C19orf84: variants seen among roughly 807,000 people sequenced by gnomAD.
C19orf84 encodes chromosome 19 open reading frame 84.
Under a neutral mutation model 4.0 loss-of-function variants are expected in C19orf84, and 1 was observed. The ratio of observed to expected loss-of-function variants is 0.25; its 90% CI spans 0.09 to 1.19. The LOEUF (loss-of-function observed/expected upper bound fraction) is 1.19, where lower values mean the gene tolerates loss of function less well. Ranked by LOEUF, C19orf84 falls within the 50% of genes most tolerant of loss-of-function variation. C19orf84 has a pLI of 0.50. For missense variants in C19orf84, 224 were observed against 246.8 expected, an observed-to-expected ratio of 0.91 and a Z score of 0.62; for synonymous variants, 123 against 109.6, an observed-to-expected ratio of 1.12 and a Z score of -0.76.
At position 51,388,602 on chromosome 19, in the gene C19orf84, T is replaced by G; in HGVS notation, c.*382A>C. Reference sequence around the variant, plus strand: ...ATGAATGGGTTTGGGAACAGGGTATTGAGAGTGGGGAAGAGAGAGGCAGGT... The same window carrying G: ...ATGAATGGGTTTGGGAACAGGGTATGGAGAGTGGGGAAGAGAGAGGCAGGT... On this transcript the variant is annotated 3_prime_UTR_variant, in exon 2 of 2. Coordinates refer to ENST00000574814, the MANE Select transcript of C19orf84 (RefSeq NM_001193623.2). 3.9e-6 allele frequency: 1 copy of G among 254,174 alleles called. No homozygotes were observed. The highest frequency in any genetic ancestry group is 1.1e-4 in the East Asian group (1 of 8,858). The allele number at this position is 254,174 out of a possible 1,614,324, so 15.7% of individuals were successfully genotyped here.
At position 51,388,772 on chromosome 19, in the gene C19orf84, A is replaced by T; in HGVS notation, c.*212T>A. Reference sequence around the variant, plus strand: ...CATCAAGGAGACAGGTTTGGGTACGAGGTTTAGGATTTTCTTCTCACTTGG... The same window carrying T: ...CATCAAGGAGACAGGTTTGGGTACGTGGTTTAGGATTTTCTTCTCACTTGG... On this transcript the variant is annotated 3_prime_UTR_variant, in exon 2 of 2. Coordinates refer to ENST00000574814, the MANE Select transcript of C19orf84 (RefSeq NM_001193623.2). The T allele has an allele frequency of 3.3e-6, 2 of 601,602 alleles. No homozygotes were observed. The highest frequency in any genetic ancestry group is 2.9e-6 in the Non-Finnish European group (1 of 343,756). The allele number at this position is 601,602 out of a possible 1,614,324, so 37.3% of individuals were successfully genotyped here.
rs1987187184 is a variant in C19orf84, at chr19:51,388,972, C to A, written c.*12G>T. On this transcript the variant is annotated 3_prime_UTR_variant, in exon 2 of 2. Transcript: ENST00000574814. ...GGTGACTGCAATCTCAGGTGCCTGA[C>A]CCTCCAAGGTCCTAGTACTCTGTCT... 6.5e-7 allele frequency: 1 copy of A among 1,535,868 alleles called. No individual in the cohort carries two copies. The highest frequency in any genetic ancestry group is 8.7e-7 in the Non-Finnish European group (1 of 1,146,806).
chr19:51,390,339 GTGA>G, intron 1 of C19orf84, 136 bp downstream of exon 1: 2 of 703,840 alleles, frequency 2.8e-6, no homozygotes, highest in East Asian at 3.2e-5. Flanking sequence ...CTGTACCTAT[GTGA>G]TGATACCTGA....
Position 51,388,714 on chromosome 19 carries a change from G to A in C19orf84, c.*270C>T. ...AGAATGAGGTAAGGATTGTGGTTGT[G>A]GTTGGGGATGGCATTGGGAATGGGG... On this transcript the variant is annotated 3_prime_UTR_variant, in exon 2 of 2. Transcript: ENST00000574814. 1.9e-6 allele frequency: 1 copy of A among 522,182 alleles called. No homozygotes were observed. The highest frequency in any genetic ancestry group is 2.3e-5 in the South Asian group (1 of 44,196). 32.3% of individuals were successfully genotyped at this position (522,182 alleles called of 1,614,324 possible). A position where few individuals can be genotyped will look rare whatever the true frequency, so the allele number is the denominator to read the frequency against.
chr19:51,388,776 T>C lies in C19orf84; in HGVS notation c.*208A>G. ...AAGGAGACAGGTTTGGGTACGAGGT[T>C]TAGGATTTTCTTCTCACTTGGGATT... On this transcript the variant is annotated 3_prime_UTR_variant, in exon 2 of 2. Transcript: ENST00000574814. 1.6e-6 allele frequency: 1 copy of C among 608,606 alleles called. No homozygotes were observed. Among genetic ancestry groups the C allele is most frequent in the South Asian group, 2.0e-5 (1 of 48,974 alleles). The allele number at this position is 608,606 out of a possible 1,614,324, so 37.7% of individuals were successfully genotyped here. A position where few individuals can be genotyped will look rare whatever the true frequency, so the allele number is the denominator to read the frequency against.
rs965443939 is a variant in C19orf84 at position 51,389,130 on chromosome 19, C to A, written c.415G>T (p.Gly139Cys). The change falls in exon 2 of 2, where the codon GGC (glycine) becomes TGC (cysteine). Residue 139 changes from glycine (G) to cysteine (C), a missense_variant. Physicochemically the swap from Gly to Cys is radical, Grantham distance 159. Coordinates refer to ENST00000574814, the MANE Select transcript of C19orf84 (RefSeq NM_001193623.2). The surrounding 1 kb of genome is among the most constrained non-coding windows in gnomAD (Gnocchi z 4.7). The stretch of plus-strand genomic sequence containing the variant: ...GGGGTCCTGGGGCCAGCCCCAGGGC[C>A]CCCCGCCCGGCCCCTCTCTGGCTGC... Reference protein sequence around the residue: ...AEQPERGRAGGPGAGPRTPPM... With the variant: ...AEQPERGRAGCPGAGPRTPPM... 6 of 1,535,880 alleles carry A rather than the reference C, an allele frequency of 3.9e-6. No homozygotes were observed. Among genetic ancestry groups the A allele is most frequent in the Non-Finnish European group, 4.4e-6 (5 of 1,146,812 alleles).
rs1599867766 is a variant in C19orf84, at chr19:51,389,703, A to G, written c.36-194T>C. On this transcript the variant is annotated intron_variant, in intron 1 of 1. Transcript: ENST00000574814. The surrounding 1 kb of genome is among the most constrained non-coding windows in gnomAD (Gnocchi z 4.7). ...CTCTAAAGAAACAGACAGCTCTGCC[A>G]TGAACTTCGGCACCAGACAGAACTC... Among the ~76,000 whole-genome samples, 2 of 152,328 alleles carry G rather than the reference A, an allele frequency of 1.3e-5. No individual in the cohort carries two copies. Among genetic ancestry groups the G allele is most frequent in the East Asian group, 1.9e-4 (1 of 5,194 alleles).
In C19orf84 at chr19:51,389,457, G is replaced by C. The variant is rs1164799189; in HGVS notation, c.88C>G (p.Leu30Val). ...AGGAGCAAGGGTGGAGGGGCTGGGA[G>C]AGGCGCAGGGGGCCATGGCTCGGTC... Reference protein sequence around the residue: ...SGTEPWPPAPLPAPPPLLLNS... With the variant: ...SGTEPWPPAPVPAPPPLLLNS... The change falls in exon 2 of 2, where the codon CTC (leucine) becomes GTC (valine). Residue 30 changes from leucine (L) to valine (V), a missense_variant. Leu to Val is a conservative substitution (Grantham distance 32). Coordinates refer to ENST00000574814, the MANE Select transcript of C19orf84 (RefSeq NM_001193623.2). The surrounding 1 kb of genome is among the most constrained non-coding windows in gnomAD (Gnocchi z 4.7). 1 of 1,444,660 alleles carries C rather than the reference G, an allele frequency of 6.9e-7. No individual in the cohort carries two copies. The highest frequency in any genetic ancestry group is 1.5e-5 in the South Asian group (1 of 68,710). The allele number at this position is 1,444,660 out of a possible 1,614,324, so 89.5% of individuals were successfully genotyped here.
intron 1 of C19orf84, 87 bp downstream of exon 1, chr19:51,390,391 T>C: frequency 7.3e-7 from 1 of 1,376,760 alleles, no homozygotes. Flanking sequence ...GCAGGTCTGT[T>C]CAGCGCGCCC....
Position 51,389,093 on chromosome 19 carries a change from A to C in C19orf84, c.452T>G (p.Leu151Arg). The C allele has an allele frequency of 7.5e-7, 1 of 1,333,042 alleles. No homozygotes were observed. Among genetic ancestry groups the C allele is most frequent in the Non-Finnish European group, 1.0e-6 (1 of 1,004,938 alleles). The allele number at this position is 1,333,042 out of a possible 1,614,324, so 82.6% of individuals were successfully genotyped here. A position where few individuals can be genotyped will look rare whatever the true frequency, so the allele number is the denominator to read the frequency against. Residue 151 changes from leucine to arginine, a missense_variant, in exon 2 of 2, where the codon CTG (leucine) becomes CGG (arginine). Coordinates refer to ENST00000574814, the MANE Select transcript of C19orf84 (RefSeq NM_001193623.2). The surrounding 1 kb of genome is among the most constrained non-coding windows in gnomAD (Gnocchi z 4.7). ...GGCAGGCAGTGTTGGTGGTGATGGC[A>C]GTGTCATTGGTGGGGTCCTGGGGCC... ...GAGPRTPPMT[L>R]PSPPTLPAQD...
At chr19:51,390,316 A>T in intron 1 of C19orf84, 162 bp downstream of exon 1, 1 of 572,942 alleles carries the variant, frequency 1.7e-6, no homozygotes, top group East Asian at 3.4e-5. Context: ...TCTCACCAAG[A>T]TCTTCTAAGA....
Position 51,389,016 on chromosome 19 carries a change from G to A in C19orf84, c.529C>T (p.Leu177=). The A allele has an allele frequency of 6.5e-7, 1 of 1,536,110 alleles. No homozygotes were observed. Among genetic ancestry groups the A allele is most frequent in the South Asian group, 1.2e-5 (1 of 84,062 alleles). The change falls in exon 2 of 2, where the codon CTG becomes TTG. Residue 177 remains leucine, a synonymous_variant. Transcript: ENST00000574814. This position sits in a 1 kb window ranked among gnomAD's most constrained non-coding sequence, Gnocchi z 4.7. The part of the protein sequence containing the change: ...RGPEPPLETP[L]AAEDWETEY ...TCTGTCTCCCAGTCCTCAGCAGCCA[G>A]TGGTGTTTCCAGGGGTGGCTCTGGA...
Position 51,389,347 on chromosome 19 carries a change from GCAGGAGAGGGTGTC to G in C19orf84, c.184_197del (p.Asp62ProfsTer34), listed in dbSNP as rs770422584. 6.4e-5 allele frequency: 98 copies of G among 1,529,444 alleles called. No individual in the cohort carries two copies. The highest frequency in any genetic ancestry group is 8.4e-5 in the Non-Finnish European group (96 of 1,143,564). The allele number at this position is 1,529,444 out of a possible 1,614,324, so 94.7% of individuals were successfully genotyped here. ...CCCCCAGCAGGGCGCTGTGCAGGAG[GCAGGAGAGGGTGTC>G]CAGGCGTATGGGCACGGTGACAGAG... On this transcript the variant is annotated frameshift_variant, in exon 2 of 2. Transcript: ENST00000574814. LOFTEE classifies it low-confidence loss of function (END_TRUNC). The surrounding 1 kb of genome is among the most constrained non-coding windows in gnomAD (Gnocchi z 4.7).
chr19:51,390,055 C>A (rs1209452967), intron 1 of C19orf84, among the ~76,000 whole-genome samples: 1 of 151,752 alleles, frequency 6.6e-6, no homozygotes, highest in East Asian at 1.9e-4. Context: ...CTTGGCTCAA[C>A]GCAACCTCTG....
At position 51,389,151 on chromosome 19, in the gene C19orf84, G is replaced by C; in HGVS notation, c.394C>G (p.Pro132Ala). 1 of 1,535,838 alleles carries C rather than the reference G, an allele frequency of 6.5e-7. No homozygotes were observed. Among genetic ancestry groups the C allele is most frequent in the Non-Finnish European group, 8.7e-7 (1 of 1,146,780 alleles). Residue 132 changes from proline (P) to alanine (A), a missense_variant, in exon 2 of 2, where the codon CCA becomes GCA. Coordinates refer to ENST00000574814, the MANE Select transcript of C19orf84 (RefSeq NM_001193623.2). This position sits in a 1 kb window ranked among gnomAD's most constrained non-coding sequence, Gnocchi z 4.7. ...GGGCCCCCCGCCCGGCCCCTCTCTG[G>C]CTGCTCAGCTCTCCCAAGGCCCCGT... ...HRRGLGRAEQPERGRAGGPGA... is the reference protein window; with the variant it reads ...HRRGLGRAEQAERGRAGGPGA...
chr19:51,390,523 G>T lies in C19orf84; in HGVS notation c.-11C>A. The T allele has an allele frequency of 6.5e-7, 1 of 1,529,490 alleles. No homozygotes were observed. The highest frequency in any genetic ancestry group is 2.5e-5 in the East Asian group (1 of 40,308). 94.7% of individuals were successfully genotyped at this position (1,529,490 alleles called of 1,614,324 possible). On this transcript the variant is annotated 5_prime_UTR_variant, in exon 1 of 2. Transcript: ENST00000574814. Reference sequence around the variant, plus strand: ...CTTTGGTTGTTCCATCTCCACTGGGGCCCTCTTACGTATCTTCTAGCAACT... The same window carrying T: ...CTTTGGTTGTTCCATCTCCACTGGGTCCCTCTTACGTATCTTCTAGCAACT...
chr19:51,388,647 G>C lies in C19orf84; in HGVS notation c.*337C>G, dbSNP rs981312535. On this transcript the variant is annotated 3_prime_UTR_variant, in exon 2 of 2. Transcript: ENST00000574814. Reference sequence around the variant, plus strand: ...GCAGGTAGGAGTGGCTTTGGGATTAGGGAGAGGATAGGGAATGGGGTTGGA... The same window carrying C: ...GCAGGTAGGAGTGGCTTTGGGATTACGGAGAGGATAGGGAATGGGGTTGGA... 3 of 333,426 alleles carry C rather than the reference G, an allele frequency of 9.0e-6. No individual in the cohort carries two copies. Among genetic ancestry groups the C allele is most frequent in the Admixed American group, 4.7e-5 (1 of 21,492 alleles). 20.7% of individuals were successfully genotyped at this position (333,426 alleles called of 1,614,324 possible). A position where few individuals can be genotyped will look rare whatever the true frequency, so the allele number is the denominator to read the frequency against.
At chr19:51,390,428 CCT>C in intron 1 of C19orf84, 48 bp downstream of exon 1, 8 of 1,513,032 alleles carry the variant, frequency 5.3e-6, no homozygotes, top group Non-Finnish European at 5.3e-6. Flanking sequence ...TCTGTCCCCT[CCT>C]CTCTCTGGGT....
At position 51,390,341 on chromosome 19, in the gene C19orf84, G is replaced by A. The variant is rs114857970; in HGVS notation, c.35+137C>T. On this transcript the variant is annotated intron_variant, in intron 1 of 1. Coordinates refer to ENST00000574814, the MANE Select transcript of C19orf84 (RefSeq NM_001193623.2). ...ATCTTCTAAGATTCTGTACCTATGT[G>A]ATGATACCTGAGCCTTTTTTGTTTT... The A allele has an allele frequency of 6.3e-4, 456 of 726,774 alleles. 2 individuals are homozygous for A. The African/African-American group carries it at 7.2e-3, about 12-fold the overall frequency. The allele number at this position is 726,774 out of a possible 1,614,324, so 45.0% of individuals were successfully genotyped here.
Sources: allele counts gnomAD v4.1 joint callset (sites outside exome capture counted in the v4.1 genomes callset), GRCh38; gene constraint gnomAD v4.1.1; non-coding constraint Gnocchi (gnomAD v3.1); transcripts MANE v1.5; gene names NCBI Gene and HGNC (gene_info 2026-07-23, HGNC 2026-07-21).